Variants in ZNF675 observed in about 807,000 individuals in gnomAD.
ZNF675 encodes TRAF6 inhibitory zinc finger.
Under a neutral mutation model 56.1 loss-of-function variants are expected in ZNF675, and 36 were observed. The observed-to-expected ratio is 0.64, with a 90% confidence interval of 0.49 to 0.85. The LOEUF is 0.85. ZNF675 is among the 40% of genes least tolerant of loss of function. The pLI, the probability that ZNF675 is intolerant of heterozygous loss-of-function variation, is 0.00. For missense variants in ZNF675, 663 were observed against 654.2 expected (o/e 1.01, Z -0.15); for synonymous variants, 200 against 218.9 (o/e 0.91, Z 0.76).
intron 1 of ZNF675, among the ~76,000 whole-genome samples, chr19:23,671,638 C>A (rs910481852): frequency 6.6e-6 from 1 of 151,790 alleles, no homozygotes; most frequent in East Asian, 1.9e-4. Flanking sequence ...CTGAAGGGGC[C>A]TGGGATCTTC....
chr19:23,664,463 T>C (rs6511469), intron 1 of ZNF675, among the ~76,000 whole-genome samples: 147,910 of 152,248 alleles, frequency 0.97, 72,012 homozygotes, highest in Middle Eastern at 1. Context: ...TCCTCAGGTG[T>C]CCTCCCCTGC....
chr19:23,674,182 G>A (rs114983992), intron 1 of ZNF675, among the ~76,000 whole-genome samples: 1,763 of 151,440 alleles, frequency 0.012, 88 homozygotes, highest in African/African-American at 0.041. Flanking sequence ...CAGCCTAGGC[G>A]AAAAGAGCAA....
At chr19:23,676,750 T>A (rs1468091308) in intron 1 of ZNF675, among the ~76,000 whole-genome samples, 2 of 151,748 alleles carry the variant, frequency 1.3e-5, no homozygotes, top group African/African-American at 4.9e-5. Context: ...ACTGAATAGA[T>A]ACAAGTTGCA....
intron 1 of ZNF675, among the ~76,000 whole-genome samples, chr19:23,685,604 T>TA (rs756051127): frequency 1.2e-4 from 19 of 152,178 alleles, no homozygotes; most frequent in Non-Finnish European, 2.6e-4. Flanking sequence ...TTTTTTACAA[T>TA]ACAGTATCAG....
chr19:23,672,804 C>T (rs1968243691), intron 1 of ZNF675, among the ~76,000 whole-genome samples: 1 of 152,190 alleles, frequency 6.6e-6, no homozygotes, highest in Non-Finnish European at 1.5e-5. Context: ...AGCAAAGACT[C>T]AAGTTGCTTG....
At position 23,663,317 on chromosome 19, in the gene ZNF675, A is replaced by C. The variant is rs538722192; in HGVS notation, c.4-159T>G. ...TATTTTTTACACAGAAATATTTCCT[A>C]ATGTGTTCTCTAACCCTGAGAAAAC... is the stretch of plus-strand genomic sequence containing the variant. On this transcript the variant is annotated intron_variant, in intron 1 of 3. Coordinates refer to ENST00000359788, the MANE Select transcript of ZNF675 (RefSeq NM_138330.3). 5.9e-5 allele frequency among the ~76,000 whole-genome samples: 9 copies of C among 152,352 alleles called. No individual in the cohort carries two copies. In the South Asian group the frequency reaches 1.9e-3, roughly 32 times the overall value.
intron 1 of ZNF675, among the ~76,000 whole-genome samples, chr19:23,685,454 A>G (rs1968431191): frequency 1.3e-5 from 2 of 152,228 alleles, no homozygotes; most frequent in African/African-American, 4.8e-5. Flanking sequence ...CACAGAAACT[A>G]CTGAAGCCCA....
chr19:23,664,310 G>GT (rs1411191924), intron 1 of ZNF675, among the ~76,000 whole-genome samples: 13 of 152,026 alleles, frequency 8.6e-5, no homozygotes, highest in Non-Finnish European at 1.6e-4. Flanking sequence ...AGCACCACAT[G>GT]TTTACCTGGT....
intron 1 of ZNF675, among the ~76,000 whole-genome samples, chr19:23,663,888 T>C (rs1237619725): frequency 1.3e-5 from 2 of 151,988 alleles, no homozygotes; most frequent in Non-Finnish European, 2.9e-5. Flanking sequence ...GTTTTCCCAA[T>C]AGAAATGTTG....
At position 23,654,010 on chromosome 19, in the gene ZNF675, C is replaced by T; in HGVS notation, c.923G>A (p.Gly308Glu). ...NLTTHKKIHT[G>E]EQPYICEECG... ...TTCTTCACATATGTAGGGTTGCTCT[C>T]CAGTATGAATTTTTTTATGTGTAGT... The change falls in exon 4 of 4, where the codon GGA becomes GAA. Residue 308 changes from glycine (G) to glutamate (E), a missense_variant. Physicochemically the swap from Gly to Glu is moderately conservative, Grantham distance 98. This residue lies in a region of ZNF675 where 617 missense variants were observed against 590.5 expected (regional missense o/e 1.04). Coordinates refer to ENST00000359788, the MANE Select transcript of ZNF675 (RefSeq NM_138330.3). The T allele has an allele frequency of 6.2e-7, 1 of 1,613,678 alleles. No individual in the cohort carries two copies. Among genetic ancestry groups the T allele is most frequent in the Non-Finnish European group, 8.5e-7 (1 of 1,179,962 alleles).
intron 1 of ZNF675, among the ~76,000 whole-genome samples, chr19:23,681,865 T>TG (rs59153623): frequency 0.097 from 14,652 of 151,610 alleles, 923 homozygotes; most frequent in East Asian, 0.22. Flanking sequence ...AAAAGTCAAA[T>TG]GGAAGAAATA....
chr19:23,685,063 T>C (rs1968426039), intron 1 of ZNF675, among the ~76,000 whole-genome samples: 1 of 151,936 alleles, frequency 6.6e-6, no homozygotes, highest in Admixed American at 6.6e-5. Context: ...TGGAATCCAA[T>C]GGTGCGATCT....
At chr19:23,679,350 C>G (rs1478613677) in intron 1 of ZNF675, among the ~76,000 whole-genome samples, 2 of 151,316 alleles carry the variant, frequency 1.3e-5, no homozygotes, top group Non-Finnish European at 2.9e-5. Flanking sequence ...CAAGGCTAAC[C>G]CTGGATCCCT....
chr19:23,686,837 G>A (rs1004676935), intron 1 of ZNF675, among the ~76,000 whole-genome samples, 194 bp downstream of exon 1: 1 of 152,166 alleles, frequency 6.6e-6, no homozygotes, highest in Non-Finnish European at 1.5e-5. Context: ...GAGAAGAGAC[G>A]GGATGCCCCG....
rs113455252 is a variant in ZNF675 at position 23,674,580 on chromosome 19, T to C, written c.4-11422A>G. Among the ~76,000 whole-genome samples the C allele has an allele frequency of 4.4e-3, 659 of 149,920 alleles. 17 individuals are homozygous for C. Among genetic ancestry groups the C allele is most frequent in the African/African-American group, 0.016 (629 of 40,290 alleles). On this transcript the variant is annotated intron_variant, in intron 1 of 3. Transcript: ENST00000359788. ...ATCACTTGAACCCAGGAGACGGAGG[T>C]TGCAGTGAGCCTGGTCGACAGAACG...
intron 3 of ZNF675, among the ~76,000 whole-genome samples, chr19:23,661,240 T>C (rs945150408): frequency 2.6e-5 from 4 of 152,072 alleles, no homozygotes; most frequent in Non-Finnish European, 5.9e-5. Context: ...AGTTTTTATC[T>C]GACCTCCTGA....
chr19:23,666,177 C>T (rs2144933544), intron 1 of ZNF675, among the ~76,000 whole-genome samples: 1 of 152,318 alleles, frequency 6.6e-6, no homozygotes, highest in East Asian at 1.9e-4. Flanking sequence ...AGGCTACTGC[C>T]TTTGCAAATC....
chr19:23,677,487 C>T (rs1380537650), intron 1 of ZNF675, among the ~76,000 whole-genome samples: 2 of 151,498 alleles, frequency 1.3e-5, no homozygotes, highest in East Asian at 1.9e-4. Flanking sequence ...GGGCAGATCA[C>T]CTGAGGTCGG....
At chr19:23,673,722 T>A (rs1968254732) in intron 1 of ZNF675, among the ~76,000 whole-genome samples, 1 of 152,176 alleles carries the variant, frequency 6.6e-6, no homozygotes, top group Admixed American at 6.5e-5. Flanking sequence ...ATCTAATGCA[T>A]GTGGGGCTTA....
Sources: allele counts gnomAD v4.1 joint callset (sites outside exome capture counted in the v4.1 genomes callset), GRCh38; gene constraint gnomAD v4.1.1; regional missense constraint gnomAD v4.1.1; transcripts MANE v1.5; gene names NCBI Gene and HGNC (gene_info 2026-07-23, HGNC 2026-07-21).